AVL9: variants seen among roughly 807,000 people sequenced by gnomAD.
AVL9 encodes the protein AVL9 cell migration associated, also known as late secretory pathway protein AVL9 homolog.
A neutral mutation model predicts 79.2 loss-of-function variants in AVL9; 49 were observed. That is an observed-to-expected ratio of 0.62 (90% confidence interval 0.49 to 0.79). The LOEUF is 0.79. AVL9 is among the 30% of genes least tolerant of loss of function. AVL9 has a pLI of 0.00. For missense variants in AVL9, 682 were observed against 776.8 expected, an observed-to-expected ratio of 0.88 and a Z score of 1.45; for synonymous variants, 299 against 280.6, an observed-to-expected ratio of 1.07 and a Z score of -0.65.
chr7:32,557,175 A>G (rs1014479941), intron 8 of AVL9, among the ~76,000 whole-genome samples: 2 of 152,152 alleles, frequency 1.3e-5, no homozygotes, highest in African/African-American at 4.8e-5. Context: ...AGATATGATA[A>G]TGTCCTTTGT....
chr7:32,573,121 C>T, intron 11 of AVL9, 78 bp from the exon 12 acceptor site: 1 of 1,113,958 alleles, frequency 9.0e-7, no homozygotes, highest in Non-Finnish European at 1.3e-6. Context: ...TCCACCTTCC[C>T]CGTAGTTACT....
intron 1 of AVL9, among the ~76,000 whole-genome samples, chr7:32,511,865 G>A (rs1583494425): frequency 6.6e-6 from 1 of 152,102 alleles, no homozygotes. Flanking sequence ...GAAATTGGAG[G>A]TAGCTTTCTG....
rs907306337 is a variant in AVL9 at position 32,495,529 on chromosome 7, G to A, written c.-181G>A. 7 of 403,122 alleles carry A rather than the reference G, an allele frequency of 1.7e-5. No homozygotes were observed. The highest frequency in any genetic ancestry group is 1.4e-4 in the African/African-American group (7 of 48,552). 25.0% of individuals were successfully genotyped at this position (403,122 alleles called of 1,614,324 possible). A position where few individuals can be genotyped will look rare whatever the true frequency, so the allele number is the denominator to read the frequency against. ...CCGGAAGCTGCGGAAGCGGATGAGG[G>A]AAGGGCGGCCGTGGCCCTGGGGGCG... On this transcript the variant is annotated 5_prime_UTR_variant, in exon 1 of 16. Transcript: ENST00000318709.
chr7:32,552,642 A>T (rs535447029), intron 6 of AVL9, among the ~76,000 whole-genome samples: 1 of 152,008 alleles, frequency 6.6e-6, no homozygotes, highest in South Asian at 2.1e-4. Context: ...TCCTGGGCTC[A>T]AGCAATTCTC....
intron 7 of AVL9, 57 bp from the exon 8 acceptor site, chr7:32,554,501 A>G: frequency 3.5e-6 from 4 of 1,149,062 alleles, no homozygotes; most frequent in South Asian, 1.5e-5. Context: ...AGGGGAAAAG[A>G]TGAATTATAG....
chr7:32,542,809 C>T (rs1298450001), intron 1 of AVL9, among the ~76,000 whole-genome samples: 1 of 152,124 alleles, frequency 6.6e-6, no homozygotes. Context: ...GTTGGTTTTC[C>T]TCAGGGCCCT....
intron 3 of AVL9, among the ~76,000 whole-genome samples, chr7:32,546,821 AAAAAAATAAAAAAAAT>A (rs1323330418): frequency 6.6e-6 from 1 of 151,456 alleles, no homozygotes; most frequent in African/African-American, 2.4e-5. Context: ...AGACTCCCTC[AAAAAAATAAAAAAAAT>A]AAAAAATAAA....
At chr7:32,549,994 C>G (rs760521794) in intron 4 of AVL9, among the ~76,000 whole-genome samples, 1 of 151,936 alleles carries the variant, frequency 6.6e-6, no homozygotes, top group Non-Finnish European at 1.5e-5. Context: ...GAAAATTGAT[C>G]AATTATTCAT....
At chr7:32,515,248 C>T (rs1562757663) in intron 1 of AVL9, among the ~76,000 whole-genome samples, 2 of 152,204 alleles carry the variant, frequency 1.3e-5, no homozygotes, top group Non-Finnish European at 2.9e-5. Flanking sequence ...AGACTTGTCT[C>T]AAATACTTTT....
intron 12 of AVL9, among the ~76,000 whole-genome samples, chr7:32,575,534 T>C (rs1791053089): frequency 9.1e-6 from 1 of 109,468 alleles, no homozygotes; most frequent in Admixed American, 1.2e-4. Flanking sequence ...TGTAGAAAAA[T>C]GACATTTATA....
chr7:32,575,965 G>T lies in AVL9; in HGVS notation c.1581G>T (p.Lys527Asn). ...ACATTTACTTGACAGACAATGAAAA[G>T]ATATTATCGGACTATGGGACAACTT... ...LAATLQLDNE[K>N]ILSDYGTTFV... Residue 527 changes from lysine to asparagine, a missense_variant, in exon 13 of 16, where the codon AAG (lysine) becomes AAT (asparagine). Physicochemically the swap from Lys to Asn is moderately conservative, Grantham distance 94. Transcript: ENST00000318709. The T allele has an allele frequency of 1.2e-6, 2 of 1,608,138 alleles. No homozygotes were observed. The highest frequency in any genetic ancestry group is 2.2e-5 in the East Asian group (1 of 44,826).
intron 1 of AVL9, chr7:32,538,395 T>A (rs1231466712): frequency 6.6e-6 from 1 of 152,214 alleles, no homozygotes; most frequent in Non-Finnish European, 1.5e-5. Context: ...GGTAGTATGC[T>A]CCACTTGCTG....
chr7:32,510,942 T>C (rs1206651393), intron 1 of AVL9, among the ~76,000 whole-genome samples: 1 of 132,782 alleles, frequency 7.5e-6, no homozygotes, highest in African/African-American at 2.8e-5. Flanking sequence ...GGGTAAGATT[T>C]GTGAGCCGTC....
intron 1 of AVL9, among the ~76,000 whole-genome samples, chr7:32,539,756 G>A (rs1177942551): frequency 6.6e-6 from 1 of 152,162 alleles, no homozygotes; most frequent in Non-Finnish European, 1.5e-5. Flanking sequence ...CTAAAATCAA[G>A]GTGTTGGCTG....
At chr7:32,548,144 C>CTCTCTTTTTTTTTTTTTTTTTTT (rs1227025763) in intron 3 of AVL9, among the ~76,000 whole-genome samples, 12 of 57,588 alleles carry the variant, frequency 2.1e-4, no homozygotes, top group African/African-American at 5.9e-4. Flanking sequence ...TTTGTCATCT[C>CTCTCTTTTTTTTTTTTTTTTTTT]TTTTTTCTTT....
intron 1 of AVL9, among the ~76,000 whole-genome samples, chr7:32,508,532 C>T (rs572802289): frequency 2.6e-5 from 4 of 152,208 alleles, no homozygotes; most frequent in African/African-American, 7.2e-5. Flanking sequence ...AAATCAAATG[C>T]AAATTTTACT....
At chr7:32,534,771 C>G (rs1788820659) in intron 1 of AVL9, 1 of 152,104 alleles carries the variant, frequency 6.6e-6, no homozygotes, top group African/African-American at 2.4e-5. Context: ...TGGTGAAAAC[C>G]TCATCTCTAC....
intron 1 of AVL9, among the ~76,000 whole-genome samples, chr7:32,504,663 A>T (rs1328584874): frequency 1.3e-5 from 2 of 152,346 alleles, no homozygotes; most frequent in Middle Eastern, 3.4e-3. Context: ...AGATGAAATT[A>T]GCAAACATTT....
intron 6 of AVL9, among the ~76,000 whole-genome samples, 196 bp from the exon 7 acceptor site, chr7:32,553,531 T>C (rs987295958): frequency 1.3e-5 from 2 of 152,204 alleles, no homozygotes; most frequent in African/African-American, 2.4e-5. Context: ...ATTTTCATCC[T>C]TGCAGAAAGT....
Sources: gnomAD v4.1 joint callset for allele counts (sites outside exome capture counted in the v4.1 genomes callset) on GRCh38, gnomAD v4.1.1 for gene constraint, MANE v1.5 for transcripts, NCBI Gene and HGNC (gene_info 2026-07-23, HGNC 2026-07-21) for gene names.